Variants in SPMIP7 observed in about 807,000 individuals in gnomAD.
The protein encoded by SPMIP7 is sperm microtubule inner protein 7, also known as protein SPMIP7.
chr7:50,146,366 G>A, the SPMIP7 span, among the ~76,000 whole-genome samples: 160 of 152,304 alleles, frequency 1.1e-3, 1 homozygote, highest in Admixed American at 1.9e-3. Context: ...CACATTAAAC[G>A]TGGCTTCTGC....
the SPMIP7 span, among the ~76,000 whole-genome samples, chr7:50,152,749 C>T: frequency 2.0e-4 from 31 of 151,818 alleles, no homozygotes; most frequent in African/African-American, 5.8e-4. Flanking sequence ...TGCAGTGGTG[C>T]GATCTCAGCT....
At chr7:50,118,670 T>C in the SPMIP7 span, among the ~76,000 whole-genome samples, 22 of 152,270 alleles carry the variant, frequency 1.4e-4, no homozygotes, top group African/African-American at 4.6e-4. Flanking sequence ...TTAGAAACAG[T>C]CGAATAAGCT....
the SPMIP7 span, among the ~76,000 whole-genome samples, chr7:50,098,189 A>C: frequency 1.3e-5 from 2 of 152,324 alleles, no homozygotes; most frequent in African/African-American, 4.8e-5. Flanking sequence ...TCAAAGAAAA[A>C]TCATAAAATA....
At chr7:50,145,939 A>G in the SPMIP7 span, among the ~76,000 whole-genome samples, 3 of 151,858 alleles carry the variant, frequency 2.0e-5, 1 homozygote, top group Admixed American at 1.3e-4. Context: ...TTTGACCTCA[A>G]TGATTGCTCT....
chr7:50,103,121 T>A, the SPMIP7 span, among the ~76,000 whole-genome samples: 1 of 150,724 alleles, frequency 6.6e-6, no homozygotes, highest in Admixed American at 6.6e-5. Context: ...CAGGGTGGCA[T>A]CCACAGATGA....
the SPMIP7 span, chr7:50,134,253 A>T: frequency 7.2e-6 from 11 of 1,530,788 alleles, no homozygotes; most frequent in Non-Finnish European, 8.8e-6. Context: ...TCAGGTCAGC[A>T]GACTTCTCTG....
chr7:50,137,342 T>C, the SPMIP7 span, among the ~76,000 whole-genome samples: 1 of 152,184 alleles, frequency 6.6e-6, no homozygotes, highest in Non-Finnish European at 1.5e-5. Flanking sequence ...GTAAGATTCA[T>C]ACCTGTTGAC....
chr7:50,156,697 C>T, the SPMIP7 span, among the ~76,000 whole-genome samples: 1 of 151,914 alleles, frequency 6.6e-6, no homozygotes, highest in Admixed American at 6.6e-5. Flanking sequence ...AAGACACACT[C>T]TTACTTTTCT....
the SPMIP7 span, among the ~76,000 whole-genome samples, chr7:50,158,651 T>C: frequency 9.2e-5 from 14 of 152,208 alleles, no homozygotes; most frequent in Middle Eastern, 3.4e-3. Context: ...GGGTGAGGTC[T>C]GCCTGTCCCA....
At chr7:50,145,642 A>ATATG in the SPMIP7 span, among the ~76,000 whole-genome samples, 1 of 107,870 alleles carries the variant, frequency 9.3e-6, no homozygotes, top group Non-Finnish European at 1.9e-5. Context: ...ATATATATAT[A>ATATG]TATATATATA....
the SPMIP7 span, among the ~76,000 whole-genome samples, chr7:50,114,537 T>C: frequency 2.6e-5 from 4 of 152,034 alleles, no homozygotes; most frequent in Non-Finnish European, 5.9e-5. Flanking sequence ...TTAAAGCATA[T>C]GTAGTAAGTT....
chr7:50,108,422 A>C, the SPMIP7 span, among the ~76,000 whole-genome samples: 1 of 152,210 alleles, frequency 6.6e-6, no homozygotes. Flanking sequence ...CAGAAAGTGG[A>C]AGAGATGCTA....
At chr7:50,138,122 A>T in the SPMIP7 span, among the ~76,000 whole-genome samples, 1 of 152,174 alleles carries the variant, frequency 6.6e-6, no homozygotes, top group Non-Finnish European at 1.5e-5. Flanking sequence ...TAAAATTTTC[A>T]AAATTTTGCT....
the SPMIP7 span, among the ~76,000 whole-genome samples, chr7:50,123,795 A>G: frequency 7.4e-6 from 1 of 135,754 alleles, no homozygotes; most frequent in Admixed American, 7.3e-5. Context: ...ATAATTCCCA[A>G]AAAGACAGAA....
the SPMIP7 span, among the ~76,000 whole-genome samples, chr7:50,114,107 T>TA: frequency 2.6e-5 from 4 of 152,060 alleles, no homozygotes; most frequent in Admixed American, 6.6e-5. Context: ...ACATTTTTTG[T>TA]AAAAACAAAG....
the SPMIP7 span, among the ~76,000 whole-genome samples, chr7:50,130,954 T>C: frequency 6.6e-6 from 1 of 152,048 alleles, no homozygotes; most frequent in Non-Finnish European, 1.5e-5. Flanking sequence ...AGGAACCAGA[T>C]CTTGTGGGAC....
the SPMIP7 span, chr7:50,096,340 C>G: frequency 9.0e-6 from 14 of 1,552,016 alleles, no homozygotes; most frequent in African/African-American, 1.4e-4. Flanking sequence ...ATCCTTATCC[C>G]CCACCATATG....
the SPMIP7 span, among the ~76,000 whole-genome samples, chr7:50,109,434 G>A: frequency 3.9e-5 from 6 of 151,922 alleles, no homozygotes; most frequent in African/African-American, 9.7e-5. Flanking sequence ...GGAGTGCAGC[G>A]GCATGATCTT....
At chr7:50,099,118 T>C in the SPMIP7 span, among the ~76,000 whole-genome samples, 2 of 152,318 alleles carry the variant, frequency 1.3e-5, no homozygotes, top group East Asian at 3.9e-4. Flanking sequence ...GATTGGCTTA[T>C]TTCACTTACC....
Sources: gnomAD v4.1 joint callset for allele counts (sites outside exome capture counted in the v4.1 genomes callset) on GRCh38, gnomAD v4.1.1 for gene constraint, MANE v1.5 for transcripts, NCBI Gene and HGNC (gene_info 2026-07-23, HGNC 2026-07-21) for gene names.